The following FRMD1 variants were observed in gnomAD, a reference collection of about 807,000 sequenced individuals.
The protein encoded by FRMD1 is FERM domain-containing protein 1.
Under a neutral mutation model 54.9 loss-of-function variants are expected in FRMD1, and 51 were observed. The observed-to-expected ratio is 0.93, with a 90% CI of 0.74 to 1.17. FRMD1 has a LOEUF of 1.17. Ranked by LOEUF, FRMD1 falls within the 50% of genes most tolerant of loss-of-function variation. The pLI is 0.00. For synonymous variants in FRMD1, 324 were observed against 306.4 expected, an observed-to-expected ratio of 1.06 and a Z score of -0.60; for missense variants, 729 against 743.0, an observed-to-expected ratio of 0.98 and a Z score of 0.22.
chr6:168,067,276 G>A lies in FRMD1; in HGVS notation c.384+91C>T, dbSNP rs115160298. 1.8e-4 allele frequency: 142 copies of A among 808,936 alleles called. 1 individual carries two copies. The African/African-American group carries it at 1.9e-3, about 11-fold the overall frequency. The allele number at this position is 808,936 out of a possible 1,614,324, so 50.1% of individuals were successfully genotyped here. A position where few individuals can be genotyped will look rare whatever the true frequency, so the allele number is the denominator to read the frequency against. On this transcript the variant is annotated intron_variant, in intron 3 of 10. Transcript: ENST00000283309. ...CCCGCGGTCCCCCACAGCCCACCGC[G>A]GTGCCTGCTCTCTCCCACCCCACGT...
chr6:168,075,856 T>G (rs1207823586), intron 1 of FRMD1: 1 of 1,444,598 alleles, frequency 6.9e-7, no homozygotes, highest in African/African-American at 1.4e-5. Flanking sequence ...GCGTCCCGTG[T>G]CCACATTTCC....
At chr6:168,081,595 G>A (rs1021886457), upstream of FRMD1, 7 of 1,323,036 alleles carry the variant, frequency 5.3e-6, no homozygotes, top group Non-Finnish European at 5.0e-6. Context: ...TCAAGCTTCG[G>A]AGCTCTAGGT....
Position 168,057,081 on chromosome 6 carries a change from G to A in FRMD1, c.*16C>T, listed in dbSNP as rs1353917267. 5 of 1,467,402 alleles carry A rather than the reference G, an allele frequency of 3.4e-6. No individual in the cohort carries two copies. The highest frequency in any genetic ancestry group is 4.5e-6 in the Non-Finnish European group (5 of 1,105,684). The allele number at this position is 1,467,402 out of a possible 1,614,324, so 90.9% of individuals were successfully genotyped here. A position where few individuals can be genotyped will look rare whatever the true frequency, so the allele number is the denominator to read the frequency against. On this transcript the variant is annotated 3_prime_UTR_variant, in exon 11 of 11. Transcript: ENST00000283309. ...TGAGCCTGGCGGTGCGGACGGTACT[G>A]CTGGGTGGGTGGTGCCTACACCACA...
At chr6:168,085,907 T>G (rs1436478425), upstream of FRMD1, among the ~76,000 whole-genome samples, 2 of 152,346 alleles carry the variant, frequency 1.3e-5, no homozygotes, top group East Asian at 3.9e-4. Context: ...ACCGCAGAGC[T>G]GCAGGACTAG....
chr6:168,064,810 C>A lies in FRMD1; in HGVS notation c.648+61G>T, dbSNP rs533034129. The A allele has an allele frequency of 1.1e-4, 169 of 1,504,892 alleles. 1 individual carries two copies. In the South Asian group the frequency reaches 2.1e-3, roughly 19 times the overall value. The allele number at this position is 1,504,892 out of a possible 1,614,324, so 93.2% of individuals were successfully genotyped here. A position where few individuals can be genotyped will look rare whatever the true frequency, so the allele number is the denominator to read the frequency against. On this transcript the variant is annotated intron_variant, in intron 5 of 10. Coordinates refer to ENST00000283309, the MANE Select transcript of FRMD1 (RefSeq NM_024919.6). ...AGTCCCCTGCTCCCATGGATGGCACCCGGTGGAGGTGGACAGGCACCAGAC... is the reference window on the plus strand; with the variant it reads ...AGTCCCCTGCTCCCATGGATGGCACACGGTGGAGGTGGACAGGCACCAGAC...
intron 2 of FRMD1, among the ~76,000 whole-genome samples, chr6:168,070,003 T>C (rs573903003): frequency 2.0e-5 from 3 of 152,148 alleles, no homozygotes; most frequent in South Asian, 2.1e-4. Flanking sequence ...GGCAGGTGGA[T>C]TGCATGAGCC....
At chr6:168,084,333 G>A (rs531292462), upstream of FRMD1, among the ~76,000 whole-genome samples, 11 of 152,250 alleles carry the variant, frequency 7.2e-5, no homozygotes, top group East Asian at 3.8e-4. Flanking sequence ...AGCACTGCGC[G>A]TGTCGGATTA....
chr6:168,081,440 C>A (rs758910268), upstream of FRMD1: 10 of 1,535,484 alleles, frequency 6.5e-6, no homozygotes, highest in African/African-American at 1.1e-4. Flanking sequence ...CGGGCAGAGG[C>A]CGCGAGGAAG....
chr6:168,088,177 G>T (rs1359383092), intron 1 of FRMD1, among the ~76,000 whole-genome samples: 1 of 152,194 alleles, frequency 6.6e-6, no homozygotes, highest in Non-Finnish European at 1.5e-5. Flanking sequence ...GGACGTCAGG[G>T]CCCATGCTGC....
chr6:168,076,416 A>G (rs544827832), intron 1 of FRMD1, among the ~76,000 whole-genome samples: 1 of 152,340 alleles, frequency 6.6e-6, no homozygotes, highest in Non-Finnish European at 1.5e-5. Context: ...CGCATCTTGA[A>G]TTGTAGTTCT....
At chr6:168,074,715 CAT>C (rs1179824291) in intron 2 of FRMD1, among the ~76,000 whole-genome samples, 2 of 120,746 alleles carry the variant, frequency 1.7e-5, no homozygotes, top group Admixed American at 8.7e-5. Context: ...GTGGTTTGTG[CAT>C]GTGTACATGT....
intron 5 of FRMD1, among the ~76,000 whole-genome samples, chr6:168,064,109 G>A (rs898890714): frequency 2.6e-5 from 4 of 152,228 alleles, no homozygotes; most frequent in South Asian, 4.1e-4. Flanking sequence ...GGTAAGAATC[G>A]CAGGGACGTG....
rs185255395 is a variant in FRMD1, at chr6:168,073,592, G to A, written c.304+1653C>T. 1.3e-3 allele frequency among the ~76,000 whole-genome samples: 202 copies of A among 152,236 alleles called. 1 individual carries two copies. Among genetic ancestry groups the A allele is most frequent in the Admixed American group, 2.6e-3 (40 of 15,298 alleles). ...AGGAGACTGAGACAGGGGCACTCTCGCCTCTACTTTGAGGCACAGAAGGGG... is the reference window on the plus strand; with the variant it reads ...AGGAGACTGAGACAGGGGCACTCTCACCTCTACTTTGAGGCACAGAAGGGG... On this transcript the variant is annotated intron_variant, in intron 2 of 10. Coordinates refer to ENST00000283309, the MANE Select transcript of FRMD1 (RefSeq NM_024919.6).
chr6:168,088,636 G>A (rs1273020949), intron 1 of FRMD1, among the ~76,000 whole-genome samples: 2 of 152,178 alleles, frequency 1.3e-5, no homozygotes, highest in Non-Finnish European at 2.9e-5. Context: ...CTCAGGCAGG[G>A]TCAGCTGCAG....
At position 168,055,573 on chromosome 6, in the gene FRMD1, A is replaced by G. The variant is rs1170147245; in HGVS notation, c.*1524T>C. 2 of 152,258 alleles carry G rather than the reference A, an allele frequency of 1.3e-5. No homozygotes were observed. The highest frequency in any genetic ancestry group is 1.3e-4 in the Admixed American group (2 of 15,298). 9.4% of individuals were successfully genotyped at this position (152,258 alleles called of 1,614,324 possible). The stretch of plus-strand genomic sequence containing the variant: ...CATTGCCCCGGAGCGGGGCAAATCA[A>G]TCATCTTGTACTAATGGGAATGGCT... On this transcript the variant is annotated 3_prime_UTR_variant, in exon 11 of 11. Transcript: ENST00000283309.
rs1799330862 is a variant in FRMD1, at chr6:168,053,783, T to G, written c.*3314A>C. ...TCCATGGGCCACGACGGGCTGATGC[T>G]CGGCTTGGGAACCACCTCTCCTGTG... On this transcript the variant is annotated 3_prime_UTR_variant, in exon 11 of 11. Coordinates refer to ENST00000283309, the MANE Select transcript of FRMD1 (RefSeq NM_024919.6). 1 of 152,208 alleles carries G rather than the reference T, an allele frequency of 6.6e-6. No homozygotes were observed. Among genetic ancestry groups the G allele is most frequent in the African/African-American group, 2.4e-5 (1 of 41,464 alleles). 9.4% of individuals were successfully genotyped at this position (152,208 alleles called of 1,614,324 possible). A position where few individuals can be genotyped will look rare whatever the true frequency, so the allele number is the denominator to read the frequency against.
chr6:168,088,441 C>T (rs1200504583), intron 1 of FRMD1, among the ~76,000 whole-genome samples: 2 of 152,228 alleles, frequency 1.3e-5, no homozygotes, highest in East Asian at 3.8e-4. Context: ...CTTTTCCCCT[C>T]CACCCAGAGG....
intron 1 of FRMD1, chr6:168,075,628 A>G: frequency 1.2e-6 from 1 of 857,302 alleles, no homozygotes; most frequent in Non-Finnish European, 1.9e-6. Flanking sequence ...TCCCGAGACC[A>G]GTCAGGGACA....
chr6:168,059,247 C>A lies in FRMD1; in HGVS notation c.1343-59G>T. ...TGGGTTCTGCCCGACATGGCTCCTC[C>A]CCAGGGCAGTTCCCTGCACTTCTGG... On this transcript the variant is annotated intron_variant, in intron 9 of 10. Coordinates refer to ENST00000283309, the MANE Select transcript of FRMD1 (RefSeq NM_024919.6). The surrounding 1 kb of genome is among the most constrained non-coding windows in gnomAD (Gnocchi z 4.4). 6.9e-7 allele frequency: 1 copy of A among 1,444,090 alleles called. No individual in the cohort carries two copies. The highest frequency in any genetic ancestry group is 9.4e-7 in the Non-Finnish European group (1 of 1,060,490). The allele number at this position is 1,444,090 out of a possible 1,614,324, so 89.5% of individuals were successfully genotyped here.
Sources: gnomAD v4.1 joint callset for allele counts (sites outside exome capture counted in the v4.1 genomes callset) on GRCh38, gnomAD v4.1.1 for gene constraint, Gnocchi (gnomAD v3.1) non-coding constraint, MANE v1.5 for transcripts, NCBI Gene and HGNC (gene_info 2026-07-23, HGNC 2026-07-21) for gene names.